KDM3A: variants seen among roughly 807,000 people sequenced by gnomAD.
The protein encoded by KDM3A is lysine demethylase 3A.
A neutral mutation model predicts 158.0 loss-of-function variants in KDM3A; 60 were observed. That is an observed-to-expected ratio of 0.38 (90% confidence interval 0.31 to 0.47). KDM3A has a LOEUF of 0.47. Ranked by LOEUF, KDM3A falls within the 20% of genes least tolerant of loss-of-function variation. The pLI is 0.99. For synonymous variants in KDM3A, 608 were observed against 549.3 expected (o/e 1.11, Z -1.49); for missense variants, 1,319 against 1,574.3 (o/e 0.84, Z 2.74).
At chr2:86,490,561 A>G (rs1367486438) in intron 23 of KDM3A, 2 of 188,280 alleles carry the variant, frequency 1.1e-5, no homozygotes, top group Non-Finnish European at 2.2e-5. Flanking sequence ...TAACTTTAAA[A>G]CAAGTTCATT....
chr2:86,473,413 T>C (rs1055682399), intron 11 of KDM3A, among the ~76,000 whole-genome samples: 1 of 152,156 alleles, frequency 6.6e-6, no homozygotes, highest in Admixed American at 6.5e-5. Context: ...CCTCCCAAAG[T>C]GCTGTGATTA....
intron 2 of KDM3A, among the ~76,000 whole-genome samples, chr2:86,448,364 A>C (rs1291756906): frequency 6.6e-6 from 1 of 152,214 alleles, no homozygotes; most frequent in East Asian, 1.9e-4. Flanking sequence ...CCCAATGCAG[A>C]GGGAAATTTA....
chr2:86,482,323 A>G, intron 17 of KDM3A, 135 bp from the exon 18 acceptor site: 1 of 1,409,060 alleles, frequency 7.1e-7, no homozygotes, highest in South Asian at 1.4e-5. Context: ...AAGTGGGGAC[A>G]GGGGACGTAC....
At chr2:86,444,124 C>G (rs929552016) in intron 2 of KDM3A, among the ~76,000 whole-genome samples, 2 of 152,148 alleles carry the variant, frequency 1.3e-5, no homozygotes, top group South Asian at 2.1e-4. Context: ...AAATCTCCTC[C>G]CTCCGCCCCC....
At chr2:86,465,096 G>T (rs1673078623) in intron 9 of KDM3A, among the ~76,000 whole-genome samples, 1 of 152,186 alleles carries the variant, frequency 6.6e-6, no homozygotes, top group South Asian at 2.1e-4. Flanking sequence ...CCAGGGTGAA[G>T]TCCTTTGGTA....
intron 8 of KDM3A, among the ~76,000 whole-genome samples, chr2:86,463,580 A>G (rs1375071562): frequency 3.3e-5 from 5 of 152,210 alleles, no homozygotes; most frequent in Non-Finnish European, 5.9e-5. Flanking sequence ...TTGCATTGCA[A>G]AGGCTTATCT....
intron 12 of KDM3A, among the ~76,000 whole-genome samples, chr2:86,475,322 T>C (rs1296700026): frequency 6.6e-6 from 1 of 152,164 alleles, no homozygotes; most frequent in African/African-American, 2.4e-5. Context: ...CAAAGGTTCT[T>C]AATCATGAAT....
At chr2:86,486,388 T>C (rs905317050) in intron 21 of KDM3A, among the ~76,000 whole-genome samples, 3 of 152,334 alleles carry the variant, frequency 2.0e-5, no homozygotes, top group Non-Finnish European at 4.4e-5. Context: ...GGGATAAAGA[T>C]TGGTTTCTCC....
At chr2:86,477,466 G>A (rs1309831852) in intron 12 of KDM3A, among the ~76,000 whole-genome samples, 1 of 151,980 alleles carries the variant, frequency 6.6e-6, no homozygotes, top group Non-Finnish European at 1.5e-5. Context: ...TTTTTCCTTT[G>A]GAGAAAGCCT....
At chr2:86,468,512 A>G (rs1464137371) in intron 10 of KDM3A, among the ~76,000 whole-genome samples, 1 of 151,892 alleles carries the variant, frequency 6.6e-6, no homozygotes, top group Non-Finnish European at 1.5e-5. Flanking sequence ...TTAATATGTT[A>G]TGTAGCTATT....
At chr2:86,441,747 A>G (rs904257856) in intron 1 of KDM3A, among the ~76,000 whole-genome samples, 3 of 150,936 alleles carry the variant, frequency 2.0e-5, no homozygotes, top group African/African-American at 7.3e-5. Context: ...CGAGCCGCAG[A>G]TAATTTTTCC....
chr2:86,474,391 G>C (rs1051961874), intron 11 of KDM3A, among the ~76,000 whole-genome samples: 1 of 152,110 alleles, frequency 6.6e-6, no homozygotes, highest in Non-Finnish European at 1.5e-5. Context: ...GGATGGGCAC[G>C]GTGGCTCATG....
chr2:86,442,414 G>T lies in KDM3A; in HGVS notation c.186+181G>T, dbSNP rs1573131671. 3 of 603,582 alleles carry T rather than the reference G, an allele frequency of 5.0e-6. No individual in the cohort carries two copies. In the East Asian group the frequency reaches 8.9e-5, roughly 18 times the overall value. The allele number at this position is 603,582 out of a possible 1,614,324, so 37.4% of individuals were successfully genotyped here. A position where few individuals can be genotyped will look rare whatever the true frequency, so the allele number is the denominator to read the frequency against. On this transcript the variant is annotated intron_variant, in intron 2 of 25. Coordinates refer to ENST00000312912, the MANE Select transcript of KDM3A (RefSeq NM_018433.6). ...GGTTGTATAGAGCCGAGTTGTGTTT[G>T]GCCCACAGCTCCTGGCTGCCTGGCT...
At chr2:86,488,372 A>T (rs937214819) in intron 21 of KDM3A, 1 of 152,012 alleles carries the variant, frequency 6.6e-6, no homozygotes, top group African/African-American at 2.4e-5. Context: ...TTCTCTCTTT[A>T]TGTTTTTTCA....
intron 10 of KDM3A, among the ~76,000 whole-genome samples, chr2:86,469,083 C>T (rs1167777868): frequency 1.3e-5 from 2 of 152,182 alleles, no homozygotes; most frequent in Admixed American, 6.5e-5. Flanking sequence ...ACTTTACCTT[C>T]TCTTTCACTA....
chr2:86,482,565 C>CTTG lies in KDM3A; in HGVS notation c.2793_2794insTTG (p.Thr931_Ile932insLeu), dbSNP rs1252248713. On this transcript the variant is annotated inframe_insertion, in exon 18 of 26. Coordinates refer to ENST00000312912, the MANE Select transcript of KDM3A (RefSeq NM_018433.6). ...TATCTAAGAGGCCTCAAGGACTAAC[C>CTTG]ATCAAGCCCAGCATTCTGGGCTTTG... is the stretch of plus-strand genomic sequence containing the variant. The CTTG allele has an allele frequency of 3.1e-6, 5 of 1,613,986 alleles. No homozygotes were observed. The highest frequency in any genetic ancestry group is 1.3e-5 in the African/African-American group (1 of 74,900).
intron 2 of KDM3A, chr2:86,443,530 TG>T (rs1558600680): frequency 6.6e-6 from 1 of 152,228 alleles, no homozygotes; most frequent in African/African-American, 2.4e-5. Context: ...CAGCAGTTCT[TG>T]GGGGTAGGTA....
chr2:86,458,181 C>T (rs1269428593), intron 8 of KDM3A, among the ~76,000 whole-genome samples: 1 of 152,200 alleles, frequency 6.6e-6, no homozygotes, highest in Non-Finnish European at 1.5e-5. Flanking sequence ...TGGACTACAG[C>T]ATCGACTAGA....
intron 16 of KDM3A, among the ~76,000 whole-genome samples, chr2:86,481,362 C>G (rs1673918293): frequency 6.6e-6 from 1 of 152,168 alleles, no homozygotes; most frequent in African/African-American, 2.4e-5. Flanking sequence ...AAGCCATTGT[C>G]CTGCCTCAGC....
Sources: gnomAD v4.1 joint callset for allele counts (sites outside exome capture counted in the v4.1 genomes callset) on GRCh38, gnomAD v4.1.1 for gene constraint, MANE v1.5 for transcripts, NCBI Gene and HGNC (gene_info 2026-07-23, HGNC 2026-07-21) for gene names.